Variants in ENAH observed in about 807,000 individuals in gnomAD.
ENAH encodes the protein ENAH actin regulator.
A neutral mutation model predicts 78.7 loss-of-function variants in ENAH; 23 were observed. The observed-to-expected ratio is 0.29, with a 90% CI of 0.21 to 0.41. ENAH has a LOEUF of 0.41. Among genes scored for constraint, ENAH ranks in the 10% least tolerant of loss-of-function variants. The pLI is 1.00. For synonymous variants in ENAH, 226 were observed against 241.0 expected (o/e 0.94, Z 0.58); for missense variants, 544 against 691.0 (o/e 0.79, Z 2.39).
chr1:225,600,418 T>A (rs1407098949), intron 1 of ENAH, among the ~76,000 whole-genome samples: 49 of 152,026 alleles, frequency 3.2e-4, no homozygotes. Context: ...TAATGTTTAA[T>A]GGGAAATTTA....
At position 225,566,316 on chromosome 1, in the gene ENAH, G is replaced by A. The variant is rs533607126; in HGVS notation, c.171+933C>T. Among the ~76,000 whole-genome samples, 18 of 151,782 alleles carry A rather than the reference G, an allele frequency of 1.2e-4. No individual in the cohort carries two copies. The South Asian group carries it at 3.5e-3, about 30-fold the overall frequency. On this transcript the variant is annotated intron_variant, in intron 2 of 13. Transcript: ENST00000366843. Reference sequence around the variant, plus strand: ...TACCAGTTTCACAGCCCAACCTCTCGTAGGCCCACAGCCCCTATATGCATA... The same window carrying A: ...TACCAGTTTCACAGCCCAACCTCTCATAGGCCCACAGCCCCTATATGCATA...
rs1558840614 is a variant in ENAH at position 225,574,620 on chromosome 1, G to GACT, written c.6-7207_6-7206insAGT. Among the ~76,000 whole-genome samples the GACT allele has an allele frequency of 1.1e-3, 9 of 7,970 alleles. 3 individuals carry two copies. The highest frequency in any genetic ancestry group is 4.5e-3 in the African/African-American group (7 of 1,542). 5.2% of individuals were successfully genotyped at this position (7,970 alleles called of 152,430 possible). ...CTGTCTCCAAAATATATAAAAAAAA[G>GACT]GCCGGGCGCGGTGGCTCACGCCTGT... On this transcript the variant is annotated intron_variant, in intron 1 of 13. Coordinates refer to ENST00000366843, the MANE Select transcript of ENAH (RefSeq NM_018212.6).
intron 1 of ENAH, among the ~76,000 whole-genome samples, chr1:225,609,425 G>T (rs1046373375): frequency 1.3e-5 from 2 of 151,938 alleles, no homozygotes; most frequent in South Asian, 2.1e-4. Flanking sequence ...ACCAAAATTG[G>T]TTATATAACC....
rs551142933 is a variant in ENAH at position 225,629,383 on chromosome 1, C to T, written c.5+23303G>A. Among the ~76,000 whole-genome samples, 3 of 152,138 alleles carry T rather than the reference C, an allele frequency of 2.0e-5. No individual in the cohort carries two copies. In the South Asian group the frequency reaches 6.3e-4, roughly 32 times the overall value. ...GGTGGATCATTTGAGGTCAGGAATT[C>T]GTGACCAGCCTGGCCAACATGGTGA... On this transcript the variant is annotated intron_variant, in intron 1 of 13. Transcript: ENST00000366843.
intron 1 of ENAH, among the ~76,000 whole-genome samples, chr1:225,635,956 C>T (rs952821003): frequency 6.6e-6 from 1 of 152,190 alleles, no homozygotes; most frequent in Non-Finnish European, 1.5e-5. Context: ...ACTTGCTCTG[C>T]AAATTTCAGA....
At chr1:225,527,622 ATC>A (rs1313600100) in intron 4 of ENAH, among the ~76,000 whole-genome samples, 3 of 152,216 alleles carry the variant, frequency 2.0e-5, no homozygotes, top group Non-Finnish European at 4.4e-5. Context: ...AATGACAAAT[ATC>A]TCTTTTATAA....
intron 1 of ENAH, among the ~76,000 whole-genome samples, chr1:225,577,051 C>A (rs186148601): frequency 5.3e-4 from 81 of 152,274 alleles, no homozygotes; most frequent in Admixed American, 1.1e-3. Flanking sequence ...GGGAGGATTA[C>A]TGGAGCCTTG....
intron 12 of ENAH, among the ~76,000 whole-genome samples, chr1:225,500,487 T>C (rs904838161): frequency 4.6e-5 from 7 of 152,222 alleles, no homozygotes; most frequent in South Asian, 2.1e-4. Context: ...CACTATACAT[T>C]TGTATACTTC....
chr1:225,640,537 T>C (rs1660843183), intron 1 of ENAH, among the ~76,000 whole-genome samples: 1 of 152,192 alleles, frequency 6.6e-6, no homozygotes, highest in East Asian at 1.9e-4. Context: ...AGTTCAAAAG[T>C]TAACCATTAC....
chr1:225,642,270 C>T (rs147493115), intron 1 of ENAH, among the ~76,000 whole-genome samples: 3 of 151,308 alleles, frequency 2.0e-5, no homozygotes, highest in Admixed American at 6.6e-5. Context: ...ACCAATGAAT[C>T]GCACCTCTTG....
chr1:225,576,609 G>A (rs2096789425), intron 1 of ENAH, among the ~76,000 whole-genome samples: 1 of 152,074 alleles, frequency 6.6e-6, no homozygotes, highest in African/African-American at 2.4e-5. Flanking sequence ...CTCATCACCA[G>A]ACTAACACTA....
chr1:225,578,625 G>C (rs2151592451), intron 1 of ENAH, among the ~76,000 whole-genome samples: 1 of 152,294 alleles, frequency 6.6e-6, no homozygotes, highest in African/African-American at 2.4e-5. Flanking sequence ...TTCAAGCAAT[G>C]CTCTTTCTTG....
intron 1 of ENAH, among the ~76,000 whole-genome samples, chr1:225,588,801 CAAAAA>C (rs55962047): frequency 2.7e-4 from 21 of 78,436 alleles, no homozygotes; most frequent in African/African-American, 9.6e-4. Flanking sequence ...AAGTCTGTGT[CAAAAA>C]AAAAAAAAAA....
At chr1:225,511,935 C>A (rs1052967632) in intron 9 of ENAH, 76 bp from the exon 10 acceptor site, 5 of 934,164 alleles carry the variant, frequency 5.4e-6, no homozygotes, top group Non-Finnish European at 8.2e-6. Flanking sequence ...TTTACACGAA[C>A]ACTTCTAATA....
intron 11 of ENAH, among the ~76,000 whole-genome samples, chr1:225,502,396 G>C (rs534254136): frequency 6.6e-6 from 1 of 152,130 alleles, no homozygotes; most frequent in East Asian, 1.9e-4. Flanking sequence ...ATTCTGAGTA[G>C]AGACGGGGTT....
Position 225,492,056 on chromosome 1 carries a change from T to A in ENAH, c.*5719A>T, listed in dbSNP as rs1223187147. 1 of 151,474 alleles carries A rather than the reference T, an allele frequency of 6.6e-6. No individual in the cohort carries two copies. Among genetic ancestry groups the A allele is most frequent in the Non-Finnish European group, 1.5e-5 (1 of 67,960 alleles). 9.4% of individuals were successfully genotyped at this position (151,474 alleles called of 1,614,324 possible). On this transcript the variant is annotated 3_prime_UTR_variant, in exon 14 of 14. Transcript: ENST00000366843. Reference sequence around the variant, plus strand: ...GAAATATGTAAGCTTTTCTAATAATTTCTATGAAAAGCTATATTCTCTTAG... The same window carrying A: ...GAAATATGTAAGCTTTTCTAATAATATCTATGAAAAGCTATATTCTCTTAG...
chr1:225,620,252 G>A (rs766106228), intron 1 of ENAH, among the ~76,000 whole-genome samples: 1 of 151,812 alleles, frequency 6.6e-6, no homozygotes, highest in South Asian at 2.1e-4. Flanking sequence ...ACCAGGCCTC[G>A]CGCGGTGGTT....
chr1:225,535,399 C>G, intron 3 of ENAH: 1 of 570,892 alleles, frequency 1.8e-6, no homozygotes, highest in Non-Finnish European at 2.9e-6. Context: ...TGCTATATAT[C>G]CCAAATATCA....
intron 1 of ENAH, among the ~76,000 whole-genome samples, chr1:225,644,402 T>C (rs1191575697): frequency 3.3e-5 from 5 of 152,206 alleles, no homozygotes; most frequent in Admixed American, 3.3e-4. Context: ...AAATCTTAAA[T>C]TGTTAAAAAC....
Sources: gnomAD v4.1 joint callset for allele counts (sites outside exome capture counted in the v4.1 genomes callset) on GRCh38, gnomAD v4.1.1 for gene constraint, MANE v1.5 for transcripts, NCBI Gene and HGNC (gene_info 2026-07-23, HGNC 2026-07-21) for gene names.